The following SARM1 variants were observed in gnomAD, a reference collection of about 807,000 sequenced individuals.
The protein encoded by SARM1 is NAD(+) hydrolase SARM1.
In SARM1, 60 loss-of-function variants were observed where a neutral mutation model predicts 65.1. The observed-to-expected ratio is 0.92, with a 90% CI of 0.75 to 1.14. The LOEUF is 1.14. Ranked by LOEUF, SARM1 falls within the 50% of genes most tolerant of loss-of-function variation. The pLI, the probability that SARM1 is intolerant of heterozygous loss-of-function variation, is 0.00. For missense variants in SARM1, 913 were observed against 1,015.7 expected (o/e 0.90, Z 1.37); for synonymous variants, 417 against 465.4 (o/e 0.90, Z 1.34).
chr17:28,402,363 A>T lies in SARM1; in HGVS notation c.*6077A>T. ...ACTCATCAGGAAAATGGGGCTGGGG[A>T]GAGGGGCGTCCAAGGGAAAGGCAGC... is the stretch of plus-strand genomic sequence containing the variant. On this transcript the variant is annotated 3_prime_UTR_variant, in exon 9 of 9. Transcript: ENST00000585482. 1.3e-6 allele frequency: 2 copies of T among 1,559,722 alleles called. No individual in the cohort carries two copies. Among genetic ancestry groups the T allele is most frequent in the South Asian group, 2.3e-5 (2 of 87,494 alleles).
rs533089783 is a variant in SARM1 at position 28,400,849 on chromosome 17, C to T, written c.*4563C>T. Reference sequence around the variant, plus strand: ...CACCACCACCTCACAGCTGTGTGACCGGGAGTAGTCACTTAACCTATGTCT... The same window carrying T: ...CACCACCACCTCACAGCTGTGTGACTGGGAGTAGTCACTTAACCTATGTCT... On this transcript the variant is annotated 3_prime_UTR_variant, in exon 9 of 9. Coordinates refer to ENST00000585482, the MANE Select transcript of SARM1 (RefSeq NM_015077.4). 21 of 1,277,800 alleles carry T rather than the reference C, an allele frequency of 1.6e-5. No individual in the cohort carries two copies. In the East Asian group the frequency reaches 3.8e-4, roughly 23 times the overall value. 79.2% of individuals were successfully genotyped at this position (1,277,800 alleles called of 1,614,324 possible).
intron 5 of SARM1, chr17:28,387,890 G>A: frequency 2.2e-6 from 1 of 450,200 alleles, no homozygotes; most frequent in Non-Finnish European, 4.0e-6. Flanking sequence ...GAGTGATTGT[G>A]GGCAGCTGGC....
At position 28,372,024 on chromosome 17, in the gene SARM1, C is replaced by T. The variant is rs2067957848; in HGVS notation, c.-9C>T. 2 of 1,487,750 alleles carry T rather than the reference C, an allele frequency of 1.3e-6. No homozygotes were observed. The highest frequency in any genetic ancestry group is 1.8e-6 in the Non-Finnish European group (2 of 1,125,228). 92.2% of individuals were successfully genotyped at this position (1,487,750 alleles called of 1,614,324 possible). A position where few individuals can be genotyped will look rare whatever the true frequency, so the allele number is the denominator to read the frequency against. ...CCAGGCCGGGGATGTCCCCCGCGGC[C>T]CCGCGCCCATGGTCCTGACGCTGCT... On this transcript the variant is annotated 5_prime_UTR_variant, in exon 1 of 9. Coordinates refer to ENST00000585482, the MANE Select transcript of SARM1 (RefSeq NM_015077.4). This position sits in a 1 kb window ranked among gnomAD's most constrained non-coding sequence, Gnocchi z 5.2.
intron 7 of SARM1, 34 bp downstream of exon 7, chr17:28,388,573 A>G (rs782340970): frequency 6.3e-7 from 1 of 1,598,518 alleles, no homozygotes; most frequent in Non-Finnish European, 8.5e-7. Context: ...CGGTCCCAGC[A>G]TTGGCCTGTG....
intron 2 of SARM1, 107 bp downstream of exon 2, chr17:28,381,928 G>A (rs1308595865): frequency 7.7e-7 from 1 of 1,293,862 alleles, no homozygotes; most frequent in East Asian, 3.0e-5. Flanking sequence ...ATCAGAATTA[G>A]ATGAAGCAAG....
rs782396237 is a variant in SARM1, at chr17:28,385,028, C to T, written c.1395-12C>T. 1.9e-6 allele frequency: 3 copies of T among 1,611,904 alleles called. No individual in the cohort carries two copies. Among genetic ancestry groups the T allele is most frequent in the Non-Finnish European group, 8.5e-7 (1 of 1,178,300 alleles). ...GTCTGGACCTCAGCGTCTTCTCCTC[C>T]GTGGGGTGCAGGTTCTTTAGGGAGC... On this transcript the variant is annotated splice_polypyrimidine_tract_variant and intron_variant, in intron 4 of 8. Coordinates refer to ENST00000585482, the MANE Select transcript of SARM1 (RefSeq NM_015077.4). The surrounding 1 kb of genome is among the most constrained non-coding windows in gnomAD (Gnocchi z 4.5).
At chr17:28,388,019 G>A (rs1012155963) in intron 5 of SARM1, 155 bp from the exon 6 acceptor site, 8 of 634,138 alleles carry the variant, frequency 1.3e-5, no homozygotes, top group Non-Finnish European at 2.0e-5. Flanking sequence ...CTTCCTCCTG[G>A]AGGCCCCATT....
Position 28,385,069 on chromosome 17 carries a change from C to A in SARM1, c.1424C>A (p.Thr475Asn), listed in dbSNP as rs782150304. ...TTTAGGGAGCTCACGGAGCTCAAGA[C>A]CTTCGCCAACTATTCTACGTGCGAC... ...RFFRELTELK[T>N]FANYSTCDRS... The change falls in exon 5 of 9, where the codon ACC becomes AAC. Residue 475 changes from threonine to asparagine, a missense_variant. Coordinates refer to ENST00000585482, the MANE Select transcript of SARM1 (RefSeq NM_015077.4). This position sits in a 1 kb window ranked among gnomAD's most constrained non-coding sequence, Gnocchi z 4.5. The A allele has an allele frequency of 2.5e-6, 4 of 1,613,764 alleles. No homozygotes were observed. Among genetic ancestry groups the A allele is most frequent in the Non-Finnish European group, 3.4e-6 (4 of 1,179,836 alleles).
At position 28,400,432 on chromosome 17, in the gene SARM1, T is replaced by C. The variant is rs2068181928; in HGVS notation, c.*4146T>C. The C allele has an allele frequency of 8.0e-6, 6 of 750,356 alleles. No individual in the cohort carries two copies. In the South Asian group the frequency reaches 1.1e-4, roughly 14 times the overall value. The allele number at this position is 750,356 out of a possible 1,614,324, so 46.5% of individuals were successfully genotyped here. On this transcript the variant is annotated 3_prime_UTR_variant, in exon 9 of 9. Coordinates refer to ENST00000585482, the MANE Select transcript of SARM1 (RefSeq NM_015077.4). ...TCCACCTAGCTCGCCATCTCGCCCTTGGAAAATGGCTCCTGGAGGATTAGG... is the reference window on the plus strand; with the variant it reads ...TCCACCTAGCTCGCCATCTCGCCCTCGGAAAATGGCTCCTGGAGGATTAGG...
rs1555586356 is a variant in SARM1 at position 28,388,272 on chromosome 17, G to A, written c.1729G>A (p.Ala577Thr). The A allele has an allele frequency of 6.4e-7, 1 of 1,558,016 alleles. No homozygotes were observed. The highest frequency in any genetic ancestry group is 1.2e-5 in the South Asian group (1 of 84,960). ...CCGCCGGAACTCAGGTTCCCAGCTG[G>A]CCAGGTGAGGAGGGGCGGGCGGGCA... ...SYRRNSGSQLASLLKVHLQLH... is the reference protein window; with the variant it reads ...SYRRNSGSQLTSLLKVHLQLH... Residue 577 changes from alanine (A) to threonine (T), a missense_variant, in exon 6 of 9, where the codon GCC (alanine) becomes ACC (threonine). Ala to Thr is a moderately conservative substitution (Grantham distance 58). This residue lies in a region of SARM1 where 862 missense variants were observed against 952.1 expected (regional missense o/e 0.91). Coordinates refer to ENST00000585482, the MANE Select transcript of SARM1 (RefSeq NM_015077.4).
rs1198425638 is a variant in SARM1 at position 28,403,198 on chromosome 17, T to G, written c.*6912T>G. On this transcript the variant is annotated 3_prime_UTR_variant, in exon 9 of 9. Transcript: ENST00000585482. ...TTTGGACTTCTGGCCTCCAGAACTG[T>G]GAGAGAATATGTTTCTGTTGTGTTA... 1 of 152,252 alleles carries G rather than the reference T, an allele frequency of 6.6e-6. No individual in the cohort carries two copies. Among genetic ancestry groups the G allele is most frequent in the African/African-American group, 2.4e-5 (1 of 41,444 alleles). The allele number at this position is 152,252 out of a possible 1,614,324, so 9.4% of individuals were successfully genotyped here.
chr17:28,388,839 T>C (rs1419819663), intron 7 of SARM1, among the ~76,000 whole-genome samples: 2 of 151,450 alleles, frequency 1.3e-5, no homozygotes, highest in Non-Finnish European at 2.9e-5. Context: ...GGCGTGATCT[T>C]GGCTCACTGC....
chr17:28,374,746 G>A (rs1036388312), intron 1 of SARM1, among the ~76,000 whole-genome samples: 10 of 152,068 alleles, frequency 6.6e-5, no homozygotes, highest in African/African-American at 2.4e-4. Context: ...GGAAGCTGAG[G>A]TGGGTGGATC....
At chr17:28,388,305 G>A (rs1555586372) in intron 6 of SARM1, 29 bp downstream of exon 6, 2 of 1,596,448 alleles carry the variant, frequency 1.3e-6, no homozygotes, top group Admixed American at 3.5e-5. Flanking sequence ...GCAGCGACGG[G>A]GCGTGGGGAC....
At chr17:28,383,320 G>A (rs2068033353) in intron 2 of SARM1, among the ~76,000 whole-genome samples, 1 of 152,194 alleles carries the variant, frequency 6.6e-6, no homozygotes, top group African/African-American at 2.4e-5. Context: ...GTTACAGTGA[G>A]CTGGAATCGC....
At chr17:28,395,852 A>C in intron 7 of SARM1, 53 bp from the exon 8 acceptor site, 1 of 1,604,502 alleles carries the variant, frequency 6.2e-7, no homozygotes. Flanking sequence ...CCTGGCTACA[A>C]GGGTCCCTAG....
At chr17:28,376,144 G>T (rs184083105) in intron 1 of SARM1, among the ~76,000 whole-genome samples, 1 of 152,262 alleles carries the variant, frequency 6.6e-6, no homozygotes, top group East Asian at 1.9e-4. Context: ...GGTGCCAGGT[G>T]CATAGGGAAA....
chr17:28,380,056 T>A (rs569123708), intron 1 of SARM1, among the ~76,000 whole-genome samples: 1 of 106,360 alleles, frequency 9.4e-6, no homozygotes, highest in East Asian at 5.8e-4. Context: ...TTTTTTCTTT[T>A]CTTTTTTTTT....
chr17:28,373,309 C>T (rs922242888), intron 1 of SARM1: 1 of 152,274 alleles, frequency 6.6e-6, no homozygotes, highest in Admixed American at 6.5e-5. Context: ...CAAGGACTCA[C>T]TTTCCCTCCC....
Sources: gnomAD v4.1 joint callset for allele counts (sites outside exome capture counted in the v4.1 genomes callset) on GRCh38, gnomAD v4.1.1 for gene constraint, gnomAD v4.1.1 regional missense constraint, Gnocchi (gnomAD v3.1) non-coding constraint, MANE v1.5 for transcripts, NCBI Gene and HGNC (gene_info 2026-07-23, HGNC 2026-07-21) for gene names.